The following SPOCK1 variants were observed in gnomAD, a reference collection of about 807,000 sequenced individuals.
The protein encoded by SPOCK1 is testican-1.
Under a neutral mutation model 55.3 loss-of-function variants are expected in SPOCK1, and 23 were observed. The ratio of observed to expected loss-of-function variants is 0.42; its 90% CI spans 0.30 to 0.59. The LOEUF is 0.59. Among genes scored for constraint, SPOCK1 ranks in the 20% least tolerant of loss-of-function variants. The pLI is 0.22. For missense variants in SPOCK1, 499 were observed against 552.5 expected (o/e 0.90, Z 0.97); for synonymous variants, 226 against 221.0 (o/e 1.02, Z -0.20).
In SPOCK1 at chr5:137,430,439, C is replaced by A. The variant is rs189597256; in HGVS notation, c.186+67934G>T. ...TATTAAAATGATGCTTCAGCCAATT[C>A]TGTAATCACCTATTTATTTTGCCCA... is the stretch of plus-strand genomic sequence containing the variant. On this transcript the variant is annotated intron_variant, in intron 2 of 10. Transcript: ENST00000394945. Among the ~76,000 whole-genome samples, 13 of 152,290 alleles carry A rather than the reference C, an allele frequency of 8.5e-5. No individual in the cohort carries two copies. The East Asian group carries it at 1.4e-3, about 16-fold the overall frequency.
intron 3 of SPOCK1, among the ~76,000 whole-genome samples, chr5:137,147,736 G>A (rs1381280299): frequency 1.3e-5 from 2 of 152,150 alleles, no homozygotes; most frequent in African/African-American, 2.4e-5. Context: ...GCTTCAACGT[G>A]GGAATTTGAG....
chr5:137,270,074 T>G (rs1756931200), intron 2 of SPOCK1, among the ~76,000 whole-genome samples: 1 of 152,222 alleles, frequency 6.6e-6, no homozygotes, highest in African/African-American at 2.4e-5. Flanking sequence ...CCCAGTGCTG[T>G]GTGGGCCCCA....
At chr5:137,221,134 A>C (rs1362908562) in intron 3 of SPOCK1, among the ~76,000 whole-genome samples, 1 of 152,244 alleles carries the variant, frequency 6.6e-6, no homozygotes, top group Non-Finnish European at 1.5e-5. Context: ...TTTTAAAAGG[A>C]TTCACAAGTT....
intron 4 of SPOCK1, among the ~76,000 whole-genome samples, chr5:137,132,639 A>G (rs1396906236): frequency 6.6e-6 from 1 of 152,170 alleles, no homozygotes; most frequent in Non-Finnish European, 1.5e-5. Context: ...CGCTTGACTT[A>G]TTAGCATCTG....
intron 4 of SPOCK1, among the ~76,000 whole-genome samples, chr5:137,121,323 C>T (rs1753678339): frequency 6.6e-6 from 1 of 152,030 alleles, no homozygotes; most frequent in Non-Finnish European, 1.5e-5. Context: ...GATCCACAGA[C>T]TGATAACTTT....
intron 2 of SPOCK1, among the ~76,000 whole-genome samples, chr5:137,371,704 C>T (rs1751205574): frequency 6.6e-6 from 1 of 152,214 alleles, no homozygotes; most frequent in African/African-American, 2.4e-5. Context: ...CCCCAACTTT[C>T]TCCTCTTAGC....
chr5:137,327,825 A>G (rs1758105282), intron 2 of SPOCK1, among the ~76,000 whole-genome samples: 1 of 152,224 alleles, frequency 6.6e-6, no homozygotes, highest in African/African-American at 2.4e-5. Flanking sequence ...CTGGAAAGGC[A>G]TGCCCATTTG....
chr5:137,416,959 GT>G, intron 2 of SPOCK1, among the ~76,000 whole-genome samples: 1 of 152,148 alleles, frequency 6.6e-6, no homozygotes, highest in South Asian at 2.1e-4. Flanking sequence ...ATTTTGTGAA[GT>G]TTTTGTTCAA....
At chr5:137,007,087 T>C (rs62387877) in intron 6 of SPOCK1, among the ~76,000 whole-genome samples, 28,588 of 151,986 alleles carry the variant, frequency 0.19, 3,008 homozygotes, top group Non-Finnish European at 0.24. Context: ...TGGCTAGCCA[T>C]ATGCAGAAAA....
intron 3 of SPOCK1, among the ~76,000 whole-genome samples, chr5:137,201,155 C>T (rs1755419135): frequency 6.6e-6 from 1 of 152,190 alleles, no homozygotes; most frequent in Admixed American, 6.5e-5. Flanking sequence ...AGTGAAGGAT[C>T]TGATTGACAG....
At chr5:137,127,022 A>G (rs966524007) in intron 4 of SPOCK1, among the ~76,000 whole-genome samples, 4 of 152,210 alleles carry the variant, frequency 2.6e-5, no homozygotes, top group African/African-American at 4.8e-5. Context: ...GCCTATTCAT[A>G]TTGTAAAGAA....
chr5:137,294,778 C>A (rs561805592), intron 2 of SPOCK1, among the ~76,000 whole-genome samples: 1 of 152,222 alleles, frequency 6.6e-6, no homozygotes, highest in East Asian at 1.9e-4. Context: ...GCTGCAGCAA[C>A]GTTTCAGGCA....
At chr5:137,339,469 A>G (rs1750365500) in intron 2 of SPOCK1, among the ~76,000 whole-genome samples, 1 of 152,246 alleles carries the variant, frequency 6.6e-6, no homozygotes, top group Non-Finnish European at 1.5e-5. Context: ...CCATGAGGAC[A>G]GCCTGCCCAA....
chr5:137,252,357 A>G (rs1055864061), intron 3 of SPOCK1, among the ~76,000 whole-genome samples: 2 of 152,234 alleles, frequency 1.3e-5, no homozygotes, highest in Non-Finnish European at 2.9e-5. Flanking sequence ...TCTAAGAAAA[A>G]TGGTACACAT....
intron 3 of SPOCK1, among the ~76,000 whole-genome samples, chr5:137,218,181 G>C (rs1469268561): frequency 1.3e-5 from 2 of 152,222 alleles, no homozygotes; most frequent in Non-Finnish European, 2.9e-5. Context: ...TCCCATCAGA[G>C]GGGTGTAATT....
At chr5:137,251,991 GCTCA>G (rs1756541388) in intron 3 of SPOCK1, among the ~76,000 whole-genome samples, 3 of 133,698 alleles carry the variant, frequency 2.2e-5, no homozygotes, top group African/African-American at 1.2e-4. Flanking sequence ...GCAATCTCAA[GCTCA>G]GCTCACTGCA....
At chr5:137,336,753 C>G (rs1343578860) in intron 2 of SPOCK1, among the ~76,000 whole-genome samples, 2 of 152,180 alleles carry the variant, frequency 1.3e-5, no homozygotes, top group South Asian at 2.1e-4. Flanking sequence ...GATAAAGAAC[C>G]TACAAAATAA....
intron 3 of SPOCK1, among the ~76,000 whole-genome samples, chr5:137,174,255 C>T (rs1754809661): frequency 6.6e-6 from 1 of 152,208 alleles, no homozygotes; most frequent in Admixed American, 6.5e-5. Flanking sequence ...ACTTTTGTTG[C>T]TCATGCCAGC....
chr5:137,410,078 A>T (rs1752178120), intron 2 of SPOCK1, among the ~76,000 whole-genome samples: 1 of 152,174 alleles, frequency 6.6e-6, no homozygotes, highest in African/African-American at 2.4e-5. Flanking sequence ...AAGCTGTGAA[A>T]ACTTCACATT....
Sources: gnomAD v4.1 joint callset for allele counts (sites outside exome capture counted in the v4.1 genomes callset) on GRCh38, gnomAD v4.1.1 for gene constraint, MANE v1.5 for transcripts, NCBI Gene and HGNC (gene_info 2026-07-23, HGNC 2026-07-21) for gene names.